The following AKAP6 variants were observed in gnomAD, a reference collection of about 807,000 sequenced individuals.
AKAP6 encodes the protein A-kinase anchor protein 6.
Under a neutral mutation model 188.5 loss-of-function variants are expected in AKAP6, and 58 were observed. The observed-to-expected ratio is 0.31, with a 90% CI of 0.25 to 0.38. AKAP6 has a LOEUF of 0.38. Among genes scored for constraint, AKAP6 ranks in the 10% least tolerant of loss-of-function variants. The pLI is 1.00. For missense variants in AKAP6, 2,710 were observed against 2,740.0 expected (o/e 0.99, Z 0.24); for synonymous variants, 989 against 998.6 (o/e 0.99, Z 0.18).
At chr14:32,771,740 T>C (rs887061583) in intron 11 of AKAP6, among the ~76,000 whole-genome samples, 1 of 152,214 alleles carries the variant, frequency 6.6e-6, no homozygotes, top group Non-Finnish European at 1.5e-5. Flanking sequence ...GCTTAAGAAA[T>C]ACAGTTATTA....
chr14:32,434,426 T>G (rs1462706886), intron 2 of AKAP6, among the ~76,000 whole-genome samples: 1 of 152,016 alleles, frequency 6.6e-6, no homozygotes, highest in Admixed American at 6.6e-5. Context: ...TGAAATGGAG[T>G]TGCTAGTAAA....
chr14:32,595,676 T>G lies in AKAP6; in HGVS notation c.2470-3734T>G, dbSNP rs1240823919. On this transcript the variant is annotated intron_variant, in intron 5 of 13. Coordinates refer to ENST00000280979, the MANE Select transcript of AKAP6 (RefSeq NM_004274.5). ...TGTGCATGCCACCACACCCAGCTAA[T>G]TTAGCCTTGTTTTTGCTTGGTCAGC... Among the ~76,000 whole-genome samples, 3 of 152,062 alleles carry G rather than the reference T, an allele frequency of 2.0e-5. No individual in the cohort carries two copies. In the East Asian group the frequency reaches 5.8e-4, roughly 30 times the overall value.
chr14:32,441,365 A>T (rs748288544), intron 2 of AKAP6, among the ~76,000 whole-genome samples: 1 of 152,174 alleles, frequency 6.6e-6, no homozygotes, highest in Non-Finnish European at 1.5e-5. Flanking sequence ...AATAAGAAGG[A>T]TGTCTGATGT....
intron 2 of AKAP6, among the ~76,000 whole-genome samples, chr14:32,459,993 A>G (rs1891271819): frequency 6.6e-6 from 1 of 152,236 alleles, no homozygotes; most frequent in South Asian, 2.1e-4. Flanking sequence ...AAAAACATAA[A>G]AATAAAGACA....
intron 11 of AKAP6, among the ~76,000 whole-genome samples, chr14:32,742,316 CT>C (rs1167915083): frequency 2.0e-5 from 3 of 147,752 alleles, no homozygotes; most frequent in African/African-American, 7.4e-5. Context: ...AAAAAAATGA[CT>C]TTTTATTTCC....
intron 7 of AKAP6, among the ~76,000 whole-genome samples, chr14:32,646,260 T>C (rs1887983292): frequency 6.6e-6 from 1 of 151,950 alleles, no homozygotes; most frequent in African/African-American, 2.4e-5. Flanking sequence ...ATATAATACA[T>C]AATAAGATAT....
At chr14:32,338,871 G>A (rs572931397) in intron 1 of AKAP6, among the ~76,000 whole-genome samples, 2 of 152,146 alleles carry the variant, frequency 1.3e-5, no homozygotes, top group African/African-American at 2.4e-5. Context: ...AAGTAGTGGG[G>A]TAAGATTATT....
rs188955476 is a variant in AKAP6 at position 32,807,607 on chromosome 14, A to G, written c.3589-13795A>G. Among the ~76,000 whole-genome samples, 143 of 152,334 alleles carry G rather than the reference A, an allele frequency of 9.4e-4. 3 individuals are homozygous for G. The East Asian group carries it at 0.015, about 16-fold the overall frequency. ...AATTTTCATGAGACTCTGTGAGAAT[A>G]TTAAATTGCCTTTTTAATAATGGTT... On this transcript the variant is annotated intron_variant, in intron 12 of 13. Transcript: ENST00000280979.
chr14:32,366,630 G>A (rs778934971), intron 1 of AKAP6, among the ~76,000 whole-genome samples: 7 of 152,158 alleles, frequency 4.6e-5, no homozygotes, highest in Non-Finnish European at 1.0e-4. Context: ...ATCTCTTGCT[G>A]TGCTTCTTTT....
chr14:32,825,166 A>G (rs1475549667), intron 13 of AKAP6, among the ~76,000 whole-genome samples: 2 of 152,218 alleles, frequency 1.3e-5, no homozygotes, highest in African/African-American at 2.4e-5. Context: ...ATGCATGCAT[A>G]GTAACAATGC....
At chr14:32,495,525 T>G (rs774653054) in intron 2 of AKAP6, 3 of 152,210 alleles carry the variant, frequency 2.0e-5, no homozygotes, top group Non-Finnish European at 4.4e-5. Flanking sequence ...TTTATGTTAG[T>G]GGACACTGCT....
At chr14:32,735,997 T>C in intron 11 of AKAP6, 115 bp downstream of exon 11, 2 of 771,690 alleles carry the variant, frequency 2.6e-6, no homozygotes, top group South Asian at 3.9e-5. Flanking sequence ...TGCACCTAAA[T>C]GTTTCCTTGA....
chr14:32,676,494 C>A (rs1165195737), intron 7 of AKAP6, among the ~76,000 whole-genome samples: 1 of 152,138 alleles, frequency 6.6e-6, no homozygotes, highest in Non-Finnish European at 1.5e-5. Flanking sequence ...CTAGATCTAG[C>A]GTTTTCTTTG....
intron 4 of AKAP6, among the ~76,000 whole-genome samples, chr14:32,574,574 A>G (rs1884640303): frequency 6.6e-6 from 1 of 152,182 alleles, no homozygotes. Context: ...GGGAGAAGAT[A>G]GTGCATGGTT....
intron 6 of AKAP6, 51 bp from the exon 7 acceptor site, chr14:32,600,578 T>C: frequency 1.3e-6 from 2 of 1,523,784 alleles, no homozygotes; most frequent in Non-Finnish European, 1.8e-6. Flanking sequence ...AAATAATGAG[T>C]AAAGATTCAT....
chr14:32,462,067 A>G (rs1308013868), intron 2 of AKAP6, among the ~76,000 whole-genome samples: 2 of 152,148 alleles, frequency 1.3e-5, no homozygotes. Context: ...CCTTCAAGAA[A>G]TATGGGACTA....
chr14:32,340,012 A>T (rs899529849), intron 1 of AKAP6, among the ~76,000 whole-genome samples: 1 of 151,158 alleles, frequency 6.6e-6, no homozygotes, highest in Non-Finnish European at 1.5e-5. Flanking sequence ...AACCATTTTG[A>T]CAGTATCCTA....
intron 7 of AKAP6, among the ~76,000 whole-genome samples, chr14:32,617,168 T>C (rs1218252703): frequency 6.6e-6 from 1 of 152,220 alleles, no homozygotes; most frequent in Non-Finnish European, 1.5e-5. Flanking sequence ...CCTTGTTCCT[T>C]TGATGCTCCC....
chr14:32,754,524 T>C (rs1186604996), intron 11 of AKAP6, among the ~76,000 whole-genome samples: 1 of 152,180 alleles, frequency 6.6e-6, no homozygotes, highest in East Asian at 1.9e-4. Flanking sequence ...TATACTAGAG[T>C]TACAAGTGAT....
Sources: allele counts gnomAD v4.1 joint callset (sites outside exome capture counted in the v4.1 genomes callset), GRCh38; gene constraint gnomAD v4.1.1; transcripts MANE v1.5; gene names NCBI Gene and HGNC (gene_info 2026-07-23, HGNC 2026-07-21).